The following SYNPR variants were observed in gnomAD, a reference collection of about 807,000 sequenced individuals.
SYNPR encodes the protein synaptoporin.
In SYNPR, 23 loss-of-function variants were observed where a neutral mutation model predicts 32.9. That is an observed-to-expected ratio of 0.70 (90% CI 0.50 to 0.99). The LOEUF is 0.99. SYNPR is among the 50% of genes least tolerant of loss of function. The pLI, the probability that SYNPR is intolerant of heterozygous loss-of-function variation, is 0.00. For synonymous variants in SYNPR, 146 were observed against 135.9 expected (o/e 1.07, Z -0.52); for missense variants, 318 against 349.3 (o/e 0.91, Z 0.71).
At chr3:63,243,007 T>C (rs1174732853) in intron 1 of SYNPR, among the ~76,000 whole-genome samples, 1 of 151,888 alleles carries the variant, frequency 6.6e-6, no homozygotes, top group African/African-American at 2.4e-5. Context: ...TATTAGAATA[T>C]AGATCCAAGG....
At chr3:63,449,437 G>T (rs1346676470) in intron 2 of SYNPR, among the ~76,000 whole-genome samples, 1 of 152,060 alleles carries the variant, frequency 6.6e-6, no homozygotes, top group Non-Finnish European at 1.5e-5. Flanking sequence ...ATTATTGTTA[G>T]GGGGCTGTTT....
chr3:63,464,856 T>C (rs1006385154), intron 2 of SYNPR, among the ~76,000 whole-genome samples: 1 of 152,202 alleles, frequency 6.6e-6, no homozygotes, highest in African/African-American at 2.4e-5. Flanking sequence ...TACATTTAAT[T>C]TGGGAGCCCA....
At position 63,594,595 on chromosome 3, in the gene SYNPR, A is replaced by T. The variant is rs79553800; in HGVS notation, c.409-14530A>T. ...TGCACCTTTCAAACTGGGTTTAAGT[A>T]ATTTATCCCAACTATAAAATGGGAT... is the stretch of plus-strand genomic sequence containing the variant. On this transcript the variant is annotated intron_variant, in intron 4 of 5. Coordinates refer to ENST00000478300, the MANE Select transcript of SYNPR (RefSeq NM_001130003.2). 2.8e-3 allele frequency among the ~76,000 whole-genome samples: 424 copies of T among 152,296 alleles called. 11 individuals carry two copies. The East Asian group carries it at 0.059, about 21-fold the overall frequency.
intron 2 of SYNPR, among the ~76,000 whole-genome samples, chr3:63,367,814 A>G (rs1397076230): frequency 3.3e-5 from 5 of 152,132 alleles, no homozygotes; most frequent in African/African-American, 7.2e-5. Context: ...GTTTCTTCCC[A>G]TTTCCCCAGA....
In SYNPR at chr3:63,398,396, A is replaced by G. The variant is rs575327340; in HGVS notation, c.85-82436A>G. ...TTATTCTCTGCCATGTCAAATATAC[A>G]TAGAGACCTGTATTTGAATCTGCCA... On this transcript the variant is annotated intron_variant, in intron 2 of 5. Coordinates refer to ENST00000478300, the MANE Select transcript of SYNPR (RefSeq NM_001130003.2). 1.1e-4 allele frequency among the ~76,000 whole-genome samples: 16 copies of G among 152,292 alleles called. No individual in the cohort carries two copies. The East Asian group carries it at 2.7e-3, about 26-fold the overall frequency.
At chr3:63,531,732 A>G (rs886262951) in intron 3 of SYNPR, among the ~76,000 whole-genome samples, 2 of 152,168 alleles carry the variant, frequency 1.3e-5, no homozygotes, top group Admixed American at 6.6e-5. Flanking sequence ...CTGCCCAGTG[A>G]GCCCTGGGAA....
At chr3:63,452,282 G>A (rs1482447612) in intron 2 of SYNPR, among the ~76,000 whole-genome samples, 2 of 152,122 alleles carry the variant, frequency 1.3e-5, no homozygotes, top group South Asian at 2.1e-4. Context: ...TAGTCGGGGG[G>A]ACAGGCAATT....
At chr3:63,335,250 G>T (rs1211615303) in intron 2 of SYNPR, among the ~76,000 whole-genome samples, 1 of 151,808 alleles carries the variant, frequency 6.6e-6, no homozygotes, top group Non-Finnish European at 1.5e-5. Flanking sequence ...CTACTCGGGA[G>T]GCTGAGGCAG....
At chr3:63,270,207 T>C (rs1283883767) in intron 3 of SYNPR, among the ~76,000 whole-genome samples, 1 of 152,172 alleles carries the variant, frequency 6.6e-6, no homozygotes, top group East Asian at 1.9e-4. Flanking sequence ...AACAAAGTAC[T>C]GCCTTATTAC....
At chr3:63,405,830 T>C (rs2088352485) in intron 2 of SYNPR, among the ~76,000 whole-genome samples, 1 of 152,214 alleles carries the variant, frequency 6.6e-6, no homozygotes, top group South Asian at 2.1e-4. Context: ...GTTTGAATGC[T>C]GTGTTACTGG....
intron 2 of SYNPR, among the ~76,000 whole-genome samples, chr3:63,417,623 G>A (rs753679557): frequency 2.0e-5 from 3 of 152,216 alleles, no homozygotes; most frequent in Non-Finnish European, 4.4e-5. Flanking sequence ...GGACATCCAG[G>A]CATTTCCATA....
intron 1 of SYNPR, among the ~76,000 whole-genome samples, chr3:63,250,854 T>C (rs947946625): frequency 6.6e-6 from 1 of 152,152 alleles, no homozygotes; most frequent in African/African-American, 2.4e-5. Context: ...AAGCTTCTGA[T>C]CCATCCTATG....
At chr3:63,276,758 G>A (rs564718021), upstream of SYNPR, among the ~76,000 whole-genome samples, 6 of 152,154 alleles carry the variant, frequency 3.9e-5, no homozygotes, top group East Asian at 5.8e-4. Context: ...CCAGTCCACT[G>A]GAGTTCCTAC....
chr3:63,602,731 T>A (rs1409176193), intron 4 of SYNPR, among the ~76,000 whole-genome samples: 1 of 152,134 alleles, frequency 6.6e-6, no homozygotes, highest in Non-Finnish European at 1.5e-5. Context: ...CAGTACCATG[T>A]TGTTTTGGTT....
intron 2 of SYNPR, among the ~76,000 whole-genome samples, chr3:63,370,272 C>G (rs1203741668): frequency 6.6e-6 from 1 of 152,102 alleles, no homozygotes; most frequent in Non-Finnish European, 1.5e-5. Flanking sequence ...AAAGCTAGCC[C>G]AAGATGGGAA....
intron 2 of SYNPR, among the ~76,000 whole-genome samples, chr3:63,381,552 G>T (rs996186803): frequency 6.6e-6 from 1 of 152,086 alleles, no homozygotes; most frequent in Admixed American, 6.6e-5. Flanking sequence ...GGAAAAAACT[G>T]CTTTAAAGAT....
chr3:63,443,265 T>G, intron 2 of SYNPR: 1 of 1,438,786 alleles, frequency 7.0e-7, no homozygotes, highest in Non-Finnish European at 9.1e-7. Context: ...AGGCTGAAGC[T>G]GCTATCTGAT....
chr3:63,333,698 A>G (rs2087254553), intron 2 of SYNPR, among the ~76,000 whole-genome samples: 1 of 152,144 alleles, frequency 6.6e-6, no homozygotes, highest in Non-Finnish European at 1.5e-5. Context: ...GATTACAGGT[A>G]CGAGCCACTA....
intron 2 of SYNPR, among the ~76,000 whole-genome samples, chr3:63,394,874 A>T (rs1211338381): frequency 6.6e-6 from 1 of 152,234 alleles, no homozygotes; most frequent in African/African-American, 2.4e-5. Context: ...AATACTGAGT[A>T]TTAGTATCAG....
Sources: allele counts gnomAD v4.1 joint callset (sites outside exome capture counted in the v4.1 genomes callset), GRCh38; gene constraint gnomAD v4.1.1; transcripts MANE v1.5; gene names NCBI Gene and HGNC (gene_info 2026-07-23, HGNC 2026-07-21).